Variants in STPG2 observed in about 807,000 individuals in gnomAD.
STPG2 encodes sperm tail PG-rich repeat containing 2.
Under a neutral mutation model 54.2 loss-of-function variants are expected in STPG2, and 56 were observed. That is an observed-to-expected ratio of 1.03 (90% confidence interval 0.83 to 1.29). The LOEUF is 1.29. Ranked by LOEUF, STPG2 falls within the 50% of genes most tolerant of loss-of-function variation. The pLI, the probability that STPG2 is intolerant of heterozygous loss-of-function variation, is 0.00. For missense variants in STPG2, 596 were observed against 544.9 expected, an observed-to-expected ratio of 1.09 and a Z score of -0.93; for synonymous variants, 200 against 181.8, an observed-to-expected ratio of 1.10 and a Z score of -0.81.
chr4:98,109,121 C>T (rs529476788), intron 4 of STPG2, 72 bp downstream of exon 4: 38 of 902,504 alleles, frequency 4.2e-5, no homozygotes, highest in Non-Finnish European at 5.5e-5. Flanking sequence ...TACAGCATAG[C>T]CTAGTCTGAA....
rs561489111 is a variant in STPG2, at chr4:97,975,201, A to G, written c.773-2761T>C. Among the ~76,000 whole-genome samples, 18 of 152,350 alleles carry G rather than the reference A, an allele frequency of 1.2e-4. No homozygotes were observed. In the East Asian group the frequency reaches 2.3e-3, roughly 20 times the overall value. On this transcript the variant is annotated intron_variant, in intron 6 of 10. Coordinates refer to ENST00000295268, the MANE Select transcript of STPG2 (RefSeq NM_174952.3). ...AATGATTAAAGTGCTCCAAAACATT[A>G]CTGTAATTCTGATTGCCTGACTACA...
chr4:98,082,469 T>C, intron 5 of STPG2, among the ~76,000 whole-genome samples: 1 of 40,636 alleles, frequency 2.5e-5, no homozygotes, highest in Non-Finnish European at 5.2e-5. Flanking sequence ...TTTTTTTTTT[T>C]TTTTTTTTTT....
At chr4:97,914,322 A>T (rs1731792049) in intron 8 of STPG2, among the ~76,000 whole-genome samples, 1 of 152,192 alleles carries the variant, frequency 6.6e-6, no homozygotes, top group East Asian at 1.9e-4. Flanking sequence ...CATCACTGTA[A>T]AAAAAAGAAT....
At chr4:97,973,763 A>C (rs1734413876) in intron 6 of STPG2, among the ~76,000 whole-genome samples, 1 of 8,662 alleles carries the variant, frequency 1.2e-4, no homozygotes, top group African/African-American at 5.5e-4. Flanking sequence ...GTGGTTTCAG[A>C]GGGTGCAAGC....
At chr4:97,942,556 T>C (rs1173219116) in intron 8 of STPG2, among the ~76,000 whole-genome samples, 1 of 152,058 alleles carries the variant, frequency 6.6e-6, no homozygotes, top group African/African-American at 2.4e-5. Flanking sequence ...TTTGACTACA[T>C]CTCAGATTCC....
At chr4:97,490,841 C>T (rs1730488613) in intron 4 of STPG2, among the ~76,000 whole-genome samples, 1 of 151,470 alleles carries the variant, frequency 6.6e-6, no homozygotes, top group South Asian at 2.1e-4. Flanking sequence ...TTGAAGTTCC[C>T]ATTTCCTAAA....
At chr4:97,798,319 T>C (rs1453841822) in intron 9 of STPG2, among the ~76,000 whole-genome samples, 1 of 152,230 alleles carries the variant, frequency 6.6e-6, no homozygotes, top group Admixed American at 6.5e-5. Context: ...TGTGGGCATA[T>C]AGTGCTATAA....
intron 10 of STPG2, among the ~76,000 whole-genome samples, chr4:97,711,450 G>A (rs1357406422): frequency 3.3e-5 from 5 of 152,078 alleles, no homozygotes; most frequent in East Asian, 3.9e-4. Context: ...TTCCACCTTC[G>A]AAAATAGTAC....
intron 10 of STPG2, among the ~76,000 whole-genome samples, chr4:97,632,761 G>A (rs1194499229): frequency 6.6e-6 from 1 of 152,150 alleles, no homozygotes; most frequent in Non-Finnish European, 1.5e-5. Context: ...AAGGGAAGTG[G>A]AAATAGAACT....
intron 9 of STPG2, among the ~76,000 whole-genome samples, chr4:97,774,457 C>G (rs906143260): frequency 1.3e-5 from 2 of 152,154 alleles, no homozygotes; most frequent in African/African-American, 4.8e-5. Context: ...GACCACAACT[C>G]GGTTGTACCA....
intron 5 of STPG2, among the ~76,000 whole-genome samples, chr4:98,011,581 C>A (rs181677924): frequency 1.3e-5 from 2 of 152,090 alleles, no homozygotes; most frequent in African/African-American, 4.8e-5. Context: ...CCACCAACAG[C>A]GTAAAAGCAT....
chr4:97,874,830 T>C (rs1396793498), intron 8 of STPG2, among the ~76,000 whole-genome samples: 1 of 151,596 alleles, frequency 6.6e-6, no homozygotes, highest in Admixed American at 6.6e-5. Flanking sequence ...ATGTTGTGAC[T>C]AGTGATCATT....
At chr4:97,751,412 A>T (rs138227767) in intron 9 of STPG2, among the ~76,000 whole-genome samples, 1 of 151,966 alleles carries the variant, frequency 6.6e-6, no homozygotes, top group African/African-American at 2.4e-5. Context: ...AAATAGTTTT[A>T]TATGTTTCTT....
chr4:97,613,739 A>G lies in STPG2; in HGVS notation c.1321-54622T>C, dbSNP rs557309579. Among the ~76,000 whole-genome samples the G allele has an allele frequency of 6.4e-4, 97 of 152,108 alleles. 1 individual carries two copies. The highest frequency in any genetic ancestry group is 5.4e-3 in the South Asian group (26 of 4,822). ...AGTACAATACAAAAATATAATCTAT[A>G]TTATTATTTATTGCTCAAGTTTCTC... On this transcript the variant is annotated intron_variant, in intron 10 of 10. Transcript: ENST00000295268.
chr4:97,513,448 ACCCT>A (rs1240494467), intron 4 of STPG2, among the ~76,000 whole-genome samples: 5 of 151,888 alleles, frequency 3.3e-5, no homozygotes, highest in African/African-American at 7.3e-5. Context: ...GAAAGTCCCA[ACCCT>A]CTAATCATGC....
chr4:98,048,078 A>T (rs1356945438), intron 5 of STPG2, among the ~76,000 whole-genome samples: 1 of 137,134 alleles, frequency 7.3e-6, no homozygotes, highest in Non-Finnish European at 1.6e-5. Flanking sequence ...CTCAGATGCT[A>T]GGGACAAAAG....
intron 4 of STPG2, among the ~76,000 whole-genome samples, chr4:97,545,598 G>A (rs1045292886): frequency 6.6e-6 from 1 of 152,008 alleles, no homozygotes. Flanking sequence ...AATTACCAGG[G>A]TTAGTCTAGG....
intron 4 of STPG2, among the ~76,000 whole-genome samples, chr4:97,487,908 A>ATT: frequency 6.6e-6 from 1 of 151,646 alleles, no homozygotes; most frequent in East Asian, 1.9e-4. Context: ...TTTGCAATTT[A>ATT]TTTTAATTAT....
chr4:98,117,232 G>C (rs1739545974), intron 3 of STPG2, among the ~76,000 whole-genome samples: 2 of 151,936 alleles, frequency 1.3e-5, no homozygotes, highest in African/African-American at 4.8e-5. Context: ...TTGGCAGTCT[G>C]TTTTTTCAAC....
Sources: allele counts gnomAD v4.1 joint callset (sites outside exome capture counted in the v4.1 genomes callset), GRCh38; gene constraint gnomAD v4.1.1; transcripts MANE v1.5; gene names NCBI Gene and HGNC (gene_info 2026-07-23, HGNC 2026-07-21).